Variants in COL15A1 observed in about 807,000 individuals in gnomAD.
COL15A1 encodes collagen alpha-1(XV) chain.
In COL15A1, 111 loss-of-function variants were observed where a neutral mutation model predicts 165.9. The observed-to-expected ratio is 0.67, with a 90% CI of 0.57 to 0.78. COL15A1 has a LOEUF of 0.78. Among genes scored for constraint, COL15A1 ranks in the 30% least tolerant of loss-of-function variants. The pLI is 0.00. For synonymous variants in COL15A1, 659 were observed against 674.8 expected (o/e 0.98, Z 0.36); for missense variants, 1,745 against 1,789.7 (o/e 0.98, Z 0.45).
intron 2 of COL15A1, among the ~76,000 whole-genome samples, chr9:98,950,539 CCCTT>C (rs1837665516): frequency 9.3e-6 from 1 of 107,068 alleles, no homozygotes; most frequent in African/African-American, 3.8e-5. Context: ...TCCTTCCCTT[CCCTT>C]CCCTTCCCCT....
At chr9:99,014,381 C>A (rs1031836432) in intron 9 of COL15A1, among the ~76,000 whole-genome samples, 1 of 152,176 alleles carries the variant, frequency 6.6e-6, no homozygotes, top group Non-Finnish European at 1.5e-5. Context: ...AACTTGCATT[C>A]CTTGTTGGAA....
chr9:98,959,915 C>T (rs898840093), intron 2 of COL15A1, among the ~76,000 whole-genome samples: 2 of 152,242 alleles, frequency 1.3e-5, no homozygotes, highest in Admixed American at 1.3e-4. Flanking sequence ...CACATCCCTC[C>T]CCGTACCCTG....
Position 99,048,029 on chromosome 9 carries a change from G to T in COL15A1, c.2793+29G>T, listed in dbSNP as rs759138517. 4 of 1,312,124 alleles carry T rather than the reference G, an allele frequency of 3.0e-6. No individual in the cohort carries two copies. In the South Asian group the frequency reaches 4.9e-5, roughly 16 times the overall value. 81.3% of individuals were successfully genotyped at this position (1,312,124 alleles called of 1,614,324 possible). ...AGTCACCCTGGGGATGGAGCCGGAG[G>T]TTGGTGTCCAGAGAGGGTGAGAGAG... On this transcript the variant is annotated intron_variant, in intron 28 of 41. Transcript: ENST00000375001.
chr9:99,068,704 G>A, intron 41 of COL15A1, 34 bp downstream of exon 41: 4 of 1,270,552 alleles, frequency 3.1e-6, no homozygotes, highest in African/African-American at 1.6e-5. Context: ...GATATGGTGT[G>A]ATAGATAGTT....
At chr9:98,993,198 T>C (rs1838478074) in intron 5 of COL15A1, among the ~76,000 whole-genome samples, 1 of 152,308 alleles carries the variant, frequency 6.6e-6, no homozygotes, top group Middle Eastern at 3.4e-3. Context: ...ATTAGACAAA[T>C]TGCCCTGTGC....
intron 35 of COL15A1, among the ~76,000 whole-genome samples, chr9:99,057,225 C>A (rs1825734720): frequency 6.6e-6 from 1 of 152,146 alleles, no homozygotes; most frequent in South Asian, 2.1e-4. Flanking sequence ...CTCATTGTAT[C>A]TTTTTGATTA....
intron 16 of COL15A1, among the ~76,000 whole-genome samples, chr9:99,031,785 A>T (rs191780373): frequency 3.9e-4 from 60 of 152,356 alleles, no homozygotes; most frequent in Non-Finnish European, 7.2e-4. Flanking sequence ...TTAAATTGTA[A>T]TTATAAAAGT....
intron 2 of COL15A1, among the ~76,000 whole-genome samples, chr9:98,969,418 G>T (rs948796657): frequency 1.3e-5 from 2 of 152,168 alleles, no homozygotes; most frequent in African/African-American, 2.4e-5. Context: ...ATCCAAAGTT[G>T]CCCATCTTTT....
chr9:99,067,380 T>C lies in COL15A1; in HGVS notation c.3837+313T>C, dbSNP rs534896150. On this transcript the variant is annotated intron_variant, in intron 40 of 41. Transcript: ENST00000375001. ...TAATAAACATGAGAGTTATTCATTTTTTAGTTTGTCAGATGAGAAAACTGA... is the reference window on the plus strand; with the variant it reads ...TAATAAACATGAGAGTTATTCATTTCTTAGTTTGTCAGATGAGAAAACTGA... Among the ~76,000 whole-genome samples, 4 of 152,362 alleles carry C rather than the reference T, an allele frequency of 2.6e-5. No individual in the cohort carries two copies. In the South Asian group the frequency reaches 8.3e-4, roughly 32 times the overall value.
chr9:98,989,507 C>T (rs1282145896), intron 5 of COL15A1, among the ~76,000 whole-genome samples: 1 of 152,242 alleles, frequency 6.6e-6, no homozygotes, highest in Non-Finnish European at 1.5e-5. Context: ...CAAGGGCAAA[C>T]GCTGTGCTGT....
At chr9:98,975,135 T>A (rs1436803415) in intron 2 of COL15A1, among the ~76,000 whole-genome samples, 3 of 152,228 alleles carry the variant, frequency 2.0e-5, no homozygotes, top group African/African-American at 7.2e-5. Context: ...TCAGCCTCCC[T>A]CGCGCCTCCG....
intron 21 of COL15A1, 98 bp from the exon 22 acceptor site, chr9:99,038,570 C>T (rs41283638): frequency 0.049 from 37,718 of 770,684 alleles, 1,159 homozygotes; most frequent in Non-Finnish European, 0.064. Flanking sequence ...CTGCGGTGTT[C>T]CGCTATGCTG....
At chr9:98,973,206 G>A (rs77153457) in intron 2 of COL15A1, among the ~76,000 whole-genome samples, 1,984 of 152,224 alleles carry the variant, frequency 0.013, 13 homozygotes, top group Non-Finnish European at 0.021. Context: ...TCAGAGGCTC[G>A]AGAAAGCAAG....
At chr9:98,954,816 C>G (rs775156372) in intron 2 of COL15A1, among the ~76,000 whole-genome samples, 1 of 152,192 alleles carries the variant, frequency 6.6e-6, no homozygotes, top group East Asian at 1.9e-4. Context: ...TGCTGTGTCT[C>G]TAACCCAAAA....
intron 31 of COL15A1, among the ~76,000 whole-genome samples, chr9:99,052,770 A>AGGCAGGAAC (rs1250239192): frequency 1.3e-5 from 2 of 152,296 alleles, no homozygotes; most frequent in East Asian, 3.9e-4. Flanking sequence ...AGAGCCTGAG[A>AGGCAGGAAC]AGCGCTGTTC....
intron 4 of COL15A1, among the ~76,000 whole-genome samples, 155 bp from the exon 5 acceptor site, chr9:98,989,023 G>GAGACACACAC (rs1838368186): frequency 6.9e-6 from 1 of 144,296 alleles, no homozygotes; most frequent in African/African-American, 2.6e-5. Context: ...GTCTCTCATA[G>GAGACACACAC]ACACACACAC....
Position 98,985,842 on chromosome 9 carries a change from T to G in COL15A1, c.378T>G (p.Gly126=), listed in dbSNP as rs768418278. The change falls in exon 3 of 42, where the codon GGT becomes GGG. Residue 126 remains glycine (G), a synonymous_variant. Coordinates refer to ENST00000375001, the MANE Select transcript of COL15A1 (RefSeq NM_001855.5). The part of the protein sequence containing the change: ...KVIYLGLRLS[G]VEDGHQRIIL... ...TCTACCTGGGCCTGCGGCTCTCAGG[T>G]GTGGAGGACGGCCACCAGCGGATCA... 1 of 1,613,828 alleles carries G rather than the reference T, an allele frequency of 6.2e-7. No individual in the cohort carries two copies. The highest frequency in any genetic ancestry group is 1.1e-5 in the South Asian group (1 of 91,076).
At chr9:99,067,989 A>G (rs1220384432) in intron 40 of COL15A1, among the ~76,000 whole-genome samples, 1 of 152,244 alleles carries the variant, frequency 6.6e-6, no homozygotes, top group Non-Finnish European at 1.5e-5. Context: ...TTTTGATTGG[A>G]AGGAGGCTTG....
intron 16 of COL15A1, among the ~76,000 whole-genome samples, 179 bp downstream of exon 16, chr9:99,026,145 T>G (rs1435481532): frequency 6.6e-6 from 1 of 152,168 alleles, no homozygotes; most frequent in African/African-American, 2.4e-5. Context: ...AAGCCTGAAC[T>G]CAGCACCTTC....
Sources: allele counts gnomAD v4.1 joint callset (sites outside exome capture counted in the v4.1 genomes callset), GRCh38; gene constraint gnomAD v4.1.1; transcripts MANE v1.5; gene names NCBI Gene and HGNC (gene_info 2026-07-23, HGNC 2026-07-21).